CCDC50: variants seen among roughly 807,000 people sequenced by gnomAD.
CCDC50 encodes coiled-coil domain-containing protein 50.
Under a neutral mutation model 70.2 loss-of-function variants are expected in CCDC50, and 54 were observed. The ratio of observed to expected loss-of-function variants is 0.77; its 90% confidence interval spans 0.62 to 0.96. The LOEUF is 0.96. Among genes scored for constraint, CCDC50 ranks in the 50% least tolerant of loss-of-function variants. The pLI is 0.00. For synonymous variants in CCDC50, 216 were observed against 198.8 expected (o/e 1.09, Z -0.73); for missense variants, 558 against 578.7 (o/e 0.96, Z 0.37).
At chr3:191,360,430 CAATT>C (rs568964533) in intron 3 of CCDC50, among the ~76,000 whole-genome samples, 8 of 152,146 alleles carry the variant, frequency 5.3e-5, no homozygotes, top group Non-Finnish European at 1.2e-4. Flanking sequence ...AGTTATTAGT[CAATT>C]AATTCTATAC....
intron 5 of CCDC50, among the ~76,000 whole-genome samples, chr3:191,370,575 C>T (rs192167470): frequency 2.6e-5 from 4 of 151,630 alleles, no homozygotes; most frequent in Non-Finnish European, 4.4e-5. Flanking sequence ...TGCAGCCTCC[C>T]TCTCCAAGGC....
intron 1 of CCDC50, among the ~76,000 whole-genome samples, chr3:191,346,941 A>G (rs1370958826): frequency 1.0e-5 from 1 of 98,402 alleles, no homozygotes; most frequent in East Asian, 1.9e-4. Flanking sequence ...GTATTTGAGG[A>G]AACTAGGAAG....
At position 191,392,053 on chromosome 3, in the gene CCDC50, A is replaced by C. The variant is rs1236938150; in HGVS notation, c.*293A>C. Reference sequence around the variant, plus strand: ...TAAACTGCCATTTTGTTAGGTATGGAGTTTGGTATCTAGGGAGTAGGCCTT... The same window carrying C: ...TAAACTGCCATTTTGTTAGGTATGGCGTTTGGTATCTAGGGAGTAGGCCTT... On this transcript the variant is annotated 3_prime_UTR_variant, in exon 12 of 12. Transcript: ENST00000392455. 8.3e-6 allele frequency: 3 copies of C among 362,710 alleles called. No individual in the cohort carries two copies. Among genetic ancestry groups the C allele is most frequent in the African/African-American group, 6.2e-5 (3 of 48,708 alleles). 22.5% of individuals were successfully genotyped at this position (362,710 alleles called of 1,614,324 possible). A position where few individuals can be genotyped will look rare whatever the true frequency, so the allele number is the denominator to read the frequency against.
rs934989788 is a variant in CCDC50, at chr3:191,329,430, C to T, written c.-245C>T. ...CCGGATATTTGGTATCGATTGGGGC[C>T]GGGGACGCGGAGCAGGTGGCCGCGG... is the stretch of plus-strand genomic sequence containing the variant. On this transcript the variant is annotated 5_prime_UTR_variant, in exon 1 of 12. Transcript: ENST00000392455. 4 of 447,372 alleles carry T rather than the reference C, an allele frequency of 8.9e-6. No homozygotes were observed. The East Asian group carries it at 1.2e-4, about 13-fold the overall frequency. The allele number at this position is 447,372 out of a possible 1,614,324, so 27.7% of individuals were successfully genotyped here. A position where few individuals can be genotyped will look rare whatever the true frequency, so the allele number is the denominator to read the frequency against.
intron 9 of CCDC50, among the ~76,000 whole-genome samples, chr3:191,381,775 G>A (rs558851233): frequency 1.5e-3 from 231 of 152,188 alleles, no homozygotes; most frequent in Middle Eastern, 6.8e-3. Context: ...TGAAACCTAG[G>A]TTGTGTATTC....
chr3:191,373,035 A>G (rs1219117442), intron 5 of CCDC50, among the ~76,000 whole-genome samples: 3 of 152,058 alleles, frequency 2.0e-5, no homozygotes, highest in African/African-American at 7.2e-5. Flanking sequence ...TTGAAAGCCA[A>G]ACATGGAGGC....
intron 3 of CCDC50, 76 bp downstream of exon 3, chr3:191,358,200 A>C (rs1415186518): frequency 6.4e-7 from 1 of 1,556,802 alleles, no homozygotes. Flanking sequence ...GCAGGGGAGA[A>C]GGAGACTACT....
chr3:191,331,258 T>C (rs530520064), intron 1 of CCDC50, among the ~76,000 whole-genome samples: 6 of 152,314 alleles, frequency 3.9e-5, no homozygotes, highest in African/African-American at 7.2e-5. Context: ...GTATTAATCA[T>C]ATGGTGCTAT....
intron 4 of CCDC50, among the ~76,000 whole-genome samples, chr3:191,365,756 C>T (rs989663321): frequency 1.3e-5 from 2 of 152,056 alleles, no homozygotes; most frequent in African/African-American, 2.4e-5. Flanking sequence ...TTTTGAAACT[C>T]ATTGCCATTG....
At chr3:191,360,498 C>G (rs951335960) in intron 3 of CCDC50, among the ~76,000 whole-genome samples, 1 of 152,094 alleles carries the variant, frequency 6.6e-6, no homozygotes, top group African/African-American at 2.4e-5. Context: ...AAGACAGAGG[C>G]TTTTGAAAAC....
At chr3:191,386,617 A>T (rs758285388) in intron 10 of CCDC50, among the ~76,000 whole-genome samples, 51 of 152,206 alleles carry the variant, frequency 3.4e-4, no homozygotes, top group Non-Finnish European at 6.2e-4. Flanking sequence ...GACTTGATAA[A>T]CAACTTAAGC....
chr3:191,383,849 C>G (rs1446800846), intron 10 of CCDC50, among the ~76,000 whole-genome samples: 1 of 152,124 alleles, frequency 6.6e-6, no homozygotes, highest in Non-Finnish European at 1.5e-5. Context: ...CAAACATTTT[C>G]TTAGAACTCT....
At chr3:191,362,336 G>A (rs1712522970) in intron 4 of CCDC50, among the ~76,000 whole-genome samples, 1 of 151,988 alleles carries the variant, frequency 6.6e-6, no homozygotes, top group Admixed American at 6.6e-5. Context: ...TGTTGCCCAG[G>A]CTGGTTTCAA....
At chr3:191,340,937 G>A (rs1239224610) in intron 1 of CCDC50, among the ~76,000 whole-genome samples, 1 of 152,112 alleles carries the variant, frequency 6.6e-6, no homozygotes, top group Non-Finnish European at 1.5e-5. Context: ...CTGGGCTCAA[G>A]TGATCCTTCT....
intron 5 of CCDC50, among the ~76,000 whole-genome samples, chr3:191,372,321 T>G (rs1712940692): frequency 6.6e-6 from 1 of 152,188 alleles, no homozygotes; most frequent in Admixed American, 6.6e-5. Flanking sequence ...CCTGAACATG[T>G]GTATGTAAAT....
chr3:191,394,065 A>G lies in CCDC50; in HGVS notation c.*2305A>G, dbSNP rs1034075143. The G allele has an allele frequency of 2.6e-5, 4 of 152,154 alleles. No individual in the cohort carries two copies. Among genetic ancestry groups the G allele is most frequent in the African/African-American group, 9.6e-5 (4 of 41,454 alleles). 9.4% of individuals were successfully genotyped at this position (152,154 alleles called of 1,614,324 possible). Reference sequence around the variant, plus strand: ...TTAACTGGAGATACTGCATTCAAAAAAAAGTCGGACCACTTAACACTTACC... The same window carrying G: ...TTAACTGGAGATACTGCATTCAAAAGAAAGTCGGACCACTTAACACTTACC... On this transcript the variant is annotated 3_prime_UTR_variant, in exon 12 of 12. Coordinates refer to ENST00000392455, the MANE Select transcript of CCDC50 (RefSeq NM_178335.3).
intron 1 of CCDC50, among the ~76,000 whole-genome samples, chr3:191,329,927 T>C (rs1253432620): frequency 1.8e-5 from 2 of 108,610 alleles, no homozygotes; most frequent in East Asian, 7.5e-4. Context: ...GCCCGTTTTT[T>C]CTCAAGGGGG....
At position 191,394,475 on chromosome 3, in the gene CCDC50, G is replaced by A. The variant is rs1381771095; in HGVS notation, c.*2715G>A. ...TTTTATATAAATGTGAAAGCATTTTGTTGTTGTTGTTGTTGTTCCTGCTGC... is the reference window on the plus strand; with the variant it reads ...TTTTATATAAATGTGAAAGCATTTTATTGTTGTTGTTGTTGTTCCTGCTGC... On this transcript the variant is annotated 3_prime_UTR_variant, in exon 12 of 12. Transcript: ENST00000392455. 1 of 150,970 alleles carries A rather than the reference G, an allele frequency of 6.6e-6. No homozygotes were observed. The highest frequency in any genetic ancestry group is 2.5e-5 in the African/African-American group (1 of 40,528). 9.4% of individuals were successfully genotyped at this position (150,970 alleles called of 1,614,324 possible).
chr3:191,329,756 C>T (rs760514143), intron 1 of CCDC50, 33 bp downstream of exon 1: 21 of 1,597,294 alleles, frequency 1.3e-5, no homozygotes, highest in Non-Finnish European at 1.8e-5. Context: ...GCGCGGGACC[C>T]TCCCCTCTCC....
Sources: allele counts gnomAD v4.1 joint callset (sites outside exome capture counted in the v4.1 genomes callset), GRCh38; gene constraint gnomAD v4.1.1; transcripts MANE v1.5; gene names NCBI Gene and HGNC (gene_info 2026-07-23, HGNC 2026-07-21).